Variants in CYFIP2 observed in about 807,000 individuals in gnomAD.
The protein encoded by CYFIP2 is cytoplasmic FMR1 interacting protein 2.
CYFIP2 carries 29 observed loss-of-function variants against 158.7 expected under a neutral mutation model. The observed-to-expected ratio is 0.18, with a 90% CI of 0.14 to 0.25. The LOEUF (loss-of-function observed/expected upper bound fraction) is 0.25. CYFIP2 is among the 10% of genes least tolerant of loss of function. CYFIP2 has a pLI of 1.00. For synonymous variants in CYFIP2, 585 were observed against 617.6 expected (o/e 0.95, Z 0.78); for missense variants, 852 against 1,639.5 (o/e 0.52, Z 8.29).
intron 26 of CYFIP2, among the ~76,000 whole-genome samples, chr5:157,368,905 T>TC (rs1554120086): frequency 1.3e-5 from 2 of 150,272 alleles, no homozygotes; most frequent in East Asian, 3.9e-4. Flanking sequence ...TTTTTTTGTT[T>TC]TTTTTTTTTT....
At chr5:157,375,655 T>C (rs971984961) in intron 26 of CYFIP2, 1 of 146,706 alleles carries the variant, frequency 6.8e-6, no homozygotes, top group African/African-American at 2.6e-5. Context: ...TTTTTTTAGC[T>C]CATCAGCTGT....
chr5:157,323,291 G>A (rs923270515), intron 15 of CYFIP2, among the ~76,000 whole-genome samples: 3 of 152,208 alleles, frequency 2.0e-5, no homozygotes, highest in Non-Finnish European at 4.4e-5. Flanking sequence ...GTGCAGTGCA[G>A]CTGATGCCAC....
intron 21 of CYFIP2, among the ~76,000 whole-genome samples, chr5:157,336,652 C>T (rs1356467940): frequency 1.3e-5 from 2 of 152,196 alleles, no homozygotes; most frequent in Non-Finnish European, 2.9e-5. Context: ...TGAGCTCTTT[C>T]TCCCACTACT....
chr5:157,386,786 G>A (rs781431243), intron 28 of CYFIP2, among the ~76,000 whole-genome samples: 6 of 152,258 alleles, frequency 3.9e-5, no homozygotes, highest in Non-Finnish European at 5.9e-5. Context: ...CGGGCGTGGT[G>A]GCCCACGCCT....
intron 8 of CYFIP2, among the ~76,000 whole-genome samples, chr5:157,306,344 T>A (rs1430442847): frequency 6.6e-6 from 1 of 152,134 alleles, no homozygotes; most frequent in Non-Finnish European, 1.5e-5. Context: ...TTTGCCTGGG[T>A]GATTGCTGTA....
chr5:157,385,709 C>T (rs918095730), intron 28 of CYFIP2, among the ~76,000 whole-genome samples: 2 of 151,902 alleles, frequency 1.3e-5, no homozygotes, highest in African/African-American at 4.8e-5. Context: ...CTTTACCTGC[C>T]TTTCTTGTTA....
intron 26 of CYFIP2, among the ~76,000 whole-genome samples, chr5:157,366,114 C>T (rs879357219): frequency 1.3e-5 from 2 of 152,188 alleles, no homozygotes; most frequent in Non-Finnish European, 2.9e-5. Flanking sequence ...TTTGCAGCCT[C>T]ATAAACAATT....
intron 28 of CYFIP2, 111 bp from the exon 29 acceptor site, chr5:157,389,077 TG>T: frequency 9.8e-7 from 1 of 1,025,456 alleles, no homozygotes; most frequent in African/African-American, 1.6e-5. Context: ...AGACCAGTTC[TG>T]GTGAACCAAT....
intron 3 of CYFIP2, among the ~76,000 whole-genome samples, chr5:157,292,076 G>T (rs1172426548): frequency 6.6e-6 from 1 of 151,932 alleles, no homozygotes; most frequent in Non-Finnish European, 1.5e-5. Context: ...CCACCTCCTG[G>T]AAGTCACTAG....
At chr5:157,317,243 A>AG (rs1305588530) in intron 13 of CYFIP2, among the ~76,000 whole-genome samples, 1 of 152,122 alleles carries the variant, frequency 6.6e-6, no homozygotes, top group Non-Finnish European at 1.5e-5. Context: ...ATACATTGGG[A>AG]GGTTTTATCA....
intron 1 of CYFIP2, among the ~76,000 whole-genome samples, chr5:157,272,452 A>C (rs1756183607): frequency 6.6e-6 from 1 of 152,250 alleles, no homozygotes; most frequent in Non-Finnish European, 1.5e-5. Context: ...ATGTTTTAAA[A>C]AATCAAATAG....
intron 1 of CYFIP2, chr5:157,276,966 T>C (rs1756596650): frequency 6.6e-6 from 1 of 152,058 alleles, no homozygotes; most frequent in Non-Finnish European, 1.5e-5. Context: ...GTAAGAATTA[T>C]CCTGGCAGTT....
In CYFIP2 at chr5:157,334,845, T is replaced by A. The variant is rs545722572; in HGVS notation, c.2385+1399T>A. On this transcript the variant is annotated intron_variant, in intron 21 of 30. Transcript: ENST00000620254. ...TCTTAGAACAGAAAAAGGACTTTAGTGGGAAAACTGGTGAAACCTGAATAA... is the reference window on the plus strand; with the variant it reads ...TCTTAGAACAGAAAAAGGACTTTAGAGGGAAAACTGGTGAAACCTGAATAA... Among the ~76,000 whole-genome samples, 34 of 152,286 alleles carry A rather than the reference T, an allele frequency of 2.2e-4. No homozygotes were observed. The South Asian group carries it at 6.4e-3, about 29-fold the overall frequency.
At chr5:157,385,649 C>A (rs1766604444) in intron 28 of CYFIP2, among the ~76,000 whole-genome samples, 2 of 151,996 alleles carry the variant, frequency 1.3e-5, no homozygotes, top group Admixed American at 1.3e-4. Context: ...CTAGTGCAAG[C>A]CATTTTTCTC....
intron 9 of CYFIP2, 59 bp downstream of exon 9, chr5:157,307,924 T>A: frequency 1.0e-6 from 1 of 975,320 alleles, no homozygotes; most frequent in Non-Finnish European, 1.6e-6. Context: ...CAAGATGTCT[T>A]TGGGGGAAAG....
Position 157,382,580 on chromosome 5 carries a change from A to G in CYFIP2, c.3040-10A>G, listed in dbSNP as rs773612450. Reference sequence around the variant, plus strand: ...AATTGTTTTCTCTTTCTTTACCCCCATCTCTGCAGTCTCAGGAGGAGGTCT... The same window carrying G: ...AATTGTTTTCTCTTTCTTTACCCCCGTCTCTGCAGTCTCAGGAGGAGGTCT... On this transcript the variant is annotated splice_polypyrimidine_tract_variant and intron_variant, in intron 26 of 30. Coordinates refer to ENST00000620254, the MANE Select transcript of CYFIP2 (RefSeq NM_001037333.3). 6.2e-7 allele frequency: 1 copy of G among 1,613,834 alleles called. No individual in the cohort carries two copies. The highest frequency in any genetic ancestry group is 2.2e-5 in the East Asian group (1 of 44,886).
chr5:157,288,706 C>A, intron 3 of CYFIP2: 1 of 441,258 alleles, frequency 2.3e-6, no homozygotes, highest in South Asian at 1.6e-5. Flanking sequence ...AAAACTGGAG[C>A]CCAAAAAAAT....
intron 8 of CYFIP2, among the ~76,000 whole-genome samples, chr5:157,305,121 A>G (rs55646687): frequency 1.5e-3 from 236 of 152,286 alleles, no homozygotes; most frequent in African/African-American, 5.4e-3. Context: ...CATGATGTAT[A>G]TATATAACAC....
At chr5:157,342,702 T>G (rs1762359911) in intron 23 of CYFIP2, 10 of 688,792 alleles carry the variant, frequency 1.5e-5, no homozygotes, top group Non-Finnish European at 2.1e-5. Flanking sequence ...TTTTCCAGCT[T>G]GAGAAGCTTT....
Sources: allele counts gnomAD v4.1 joint callset (sites outside exome capture counted in the v4.1 genomes callset), GRCh38; gene constraint gnomAD v4.1.1; transcripts MANE v1.5; gene names NCBI Gene and HGNC (gene_info 2026-07-23, HGNC 2026-07-21).